Variants in UTP20 observed in about 807,000 individuals in gnomAD.
UTP20 encodes small subunit processome component 20 homolog.
In UTP20, 164 loss-of-function variants were observed where a neutral mutation model predicts 329.5. The ratio of observed to expected loss-of-function variants is 0.50; its 90% CI spans 0.44 to 0.57. UTP20 has a LOEUF of 0.57. Ranked by LOEUF, UTP20 falls within the 20% of genes least tolerant of loss-of-function variation. UTP20 has a pLI of 0.00. For synonymous variants in UTP20, 1,151 were observed against 1,159.3 expected (o/e 0.99, Z 0.14); for missense variants, 3,055 against 3,284.2 (o/e 0.93, Z 1.71).
rs778073471 is a variant in UTP20, at chr12:101,361,921, C to A, written c.5692-41C>A. On this transcript the variant is annotated intron_variant, in intron 43 of 61. Coordinates refer to ENST00000261637, the MANE Select transcript of UTP20 (RefSeq NM_014503.3). Reference sequence around the variant, plus strand: ...TAGATCTTATGTTTTCCTAGTGTGACATTGTTAATATTCATGTTGTTGCTG... The same window carrying A: ...TAGATCTTATGTTTTCCTAGTGTGAAATTGTTAATATTCATGTTGTTGCTG... 4.8e-6 allele frequency: 7 copies of A among 1,462,946 alleles called. No individual in the cohort carries two copies. In the South Asian group the frequency reaches 8.0e-5, roughly 17 times the overall value. The allele number at this position is 1,462,946 out of a possible 1,614,324, so 90.6% of individuals were successfully genotyped here. A position where few individuals can be genotyped will look rare whatever the true frequency, so the allele number is the denominator to read the frequency against.
At chr12:101,370,308 A>G in intron 49 of UTP20, 124 bp from the exon 50 acceptor site, 3 of 1,211,646 alleles carry the variant, frequency 2.5e-6, no homozygotes, top group Non-Finnish European at 3.4e-6. Flanking sequence ...GTAATTTGCC[A>G]AGGCTAGAGG....
chr12:101,367,492 A>G (rs1189177609), intron 47 of UTP20, among the ~76,000 whole-genome samples: 1 of 152,088 alleles, frequency 6.6e-6, no homozygotes, highest in East Asian at 1.9e-4. Context: ...AGATTCCCAC[A>G]GAACTCTCAA....
At position 101,385,181 on chromosome 12, in the gene UTP20, C is replaced by A. The variant is rs182155063; in HGVS notation, c.8057-402C>A. On this transcript the variant is annotated intron_variant, in intron 60 of 61. Transcript: ENST00000261637. ...ATTAGAGAGGGAATCTCTTACTTTT[C>A]CCCCCATCTGCAAGAGCTCAACAGG... Among the ~76,000 whole-genome samples, 675 of 151,660 alleles carry A rather than the reference C, an allele frequency of 4.5e-3. 3 individuals carry two copies. The highest frequency in any genetic ancestry group is 0.016 in the African/African-American group (649 of 41,336).
At chr12:101,344,773 C>T (rs1869264243) in intron 36 of UTP20, 23 bp downstream of exon 36, 1 of 1,607,174 alleles carries the variant, frequency 6.2e-7, no homozygotes, top group Non-Finnish European at 8.5e-7. Context: ...GTGTTTTAGG[C>T]ACTACTGTCT....
At chr12:101,289,685 A>T (rs2137232704) in intron 6 of UTP20, among the ~76,000 whole-genome samples, 1 of 152,300 alleles carries the variant, frequency 6.6e-6, no homozygotes, top group Admixed American at 6.5e-5. Context: ...GAACTGTGAC[A>T]TTAACAAGAA....
chr12:101,285,863 C>G lies in UTP20; in HGVS notation c.308C>G (p.Ala103Gly). The G allele has an allele frequency of 3.1e-6, 5 of 1,613,678 alleles. No individual in the cohort carries two copies. Among genetic ancestry groups the G allele is most frequent in the Non-Finnish European group, 4.2e-6 (5 of 1,179,800 alleles). The part of the protein sequence containing the change: ...KTHLQVKNSF[A>G]YQPLLDLVVQ... ...CACCTGCAAGTTAAGAACAGTTTTG[C>G]CTATCAACCCCTTTTGGAGTAAGTA... Residue 103 changes from alanine (A) to glycine (G), a missense_variant, in exon 4 of 62, where the codon GCC becomes GGC. Ala to Gly is a moderately conservative substitution (Grantham distance 60). Transcript: ENST00000261637.
rs1201737868 is a variant in UTP20, at chr12:101,290,855, G to A, written c.858G>A (p.Lys286=). The change falls in exon 8 of 62, where the codon AAG becomes AAA. Residue 286 remains lysine (K), a synonymous_variant. Transcript: ENST00000261637. Reference sequence around the variant, plus strand: ...AATCCACTGTATCCTACATCTCCAAGGAACATTTTGGTACATTTTTTGAAT... The same window carrying A: ...AATCCACTGTATCCTACATCTCCAAAGAACATTTTGGTACATTTTTTGAAT... ...MVKSTVSYIS[K]EHFGTFFECL... The A allele has an allele frequency of 1.9e-6, 3 of 1,612,710 alleles. No individual in the cohort carries two copies. Among genetic ancestry groups the A allele is most frequent in the East Asian group, 2.2e-5 (1 of 44,832 alleles).
At chr12:101,384,883 C>A (rs1870773092) in intron 60 of UTP20, among the ~76,000 whole-genome samples, 1 of 152,090 alleles carries the variant, frequency 6.6e-6, no homozygotes, top group Non-Finnish European at 1.5e-5. Context: ...TTGGTTCAAC[C>A]CAGTCAACAT....
chr12:101,309,329 C>T (rs780899833), intron 18 of UTP20, among the ~76,000 whole-genome samples: 7 of 152,118 alleles, frequency 4.6e-5, no homozygotes, highest in Non-Finnish European at 7.4e-5. Context: ...AAAAGGTGAC[C>T]GGGAAACTTT....
chr12:101,372,215 A>G (rs1870319158), intron 51 of UTP20, among the ~76,000 whole-genome samples: 1 of 152,180 alleles, frequency 6.6e-6, no homozygotes, highest in South Asian at 2.1e-4. Context: ...AACTTGAATG[A>G]TGTCGCCTAG....
At chr12:101,331,026 C>T (rs73159731) in intron 27 of UTP20, among the ~76,000 whole-genome samples, 32,387 of 152,048 alleles carry the variant, frequency 0.21, 3,737 homozygotes, top group East Asian at 0.37. Context: ...GGGCATTGAT[C>T]GGTATTGAAA....
At chr12:101,325,917 A>G (rs892573697) in intron 25 of UTP20, among the ~76,000 whole-genome samples, 4 of 152,224 alleles carry the variant, frequency 2.6e-5, no homozygotes, top group African/African-American at 9.6e-5. Context: ...GAGATGATTA[A>G]TGATATTAAC....
rs749624429 is a variant in UTP20, at chr12:101,344,655, C to T, written c.4510C>T (p.Leu1504=). The part of the protein sequence containing the change: ...SMCLMSIIKK[L]AALNVTEKDY... ...GTGCCTGATGAGTATCATCAAAAAG[C>T]TAGCTGCCTTGAATGTCACAGAGAA... The change falls in exon 36 of 62, where the codon CTA becomes TTA. Residue 1504 remains leucine, a synonymous_variant. Transcript: ENST00000261637. 6.6e-7 allele frequency: 1 copy of T among 1,524,848 alleles called. No homozygotes were observed. The highest frequency in any genetic ancestry group is 9.1e-7 in the Non-Finnish European group (1 of 1,098,746). 94.5% of individuals were successfully genotyped at this position (1,524,848 alleles called of 1,614,324 possible).
Position 101,342,524 on chromosome 12 carries a change from A to G in UTP20, c.4180A>G (p.Ile1394Val), listed in dbSNP as rs577001413. The change falls in exon 33 of 62, where the codon ATA (isoleucine) becomes GTA (valine). Residue 1394 changes from isoleucine (I) to valine (V), a missense_variant. Coordinates refer to ENST00000261637, the MANE Select transcript of UTP20 (RefSeq NM_014503.3). ...CVDPTSFLKP[I>V]AKLFSVIKNK... ...GGACCCTACAAGCTTCCTCAAGCCT[A>G]TAGCAAAACTTTTCTCAGTTATTAA... 1.1e-5 allele frequency: 17 copies of G among 1,613,856 alleles called. No homozygotes were observed. In the East Asian group the frequency reaches 3.3e-4, roughly 32 times the overall value.
At chr12:101,302,792 A>G (rs912436072) in intron 15 of UTP20, among the ~76,000 whole-genome samples, 3 of 152,060 alleles carry the variant, frequency 2.0e-5, no homozygotes, top group Non-Finnish European at 2.9e-5. Context: ...TTAATGTCGT[A>G]AAGTTTGAAG....
chr12:101,386,268 G>C lies in UTP20; in HGVS notation c.*145G>C. ...TCTGTCACCCAAGGTGGAGTGCAGT[G>C]ACGACATCACAGCTCACTGCAGCCT... On this transcript the variant is annotated 3_prime_UTR_variant, in exon 62 of 62. Coordinates refer to ENST00000261637, the MANE Select transcript of UTP20 (RefSeq NM_014503.3). The C allele has an allele frequency of 1.4e-6, 1 of 713,230 alleles. No homozygotes were observed. Among genetic ancestry groups the C allele is most frequent in the East Asian group, 2.9e-5 (1 of 34,386 alleles). The allele number at this position is 713,230 out of a possible 1,614,324, so 44.2% of individuals were successfully genotyped here.
At chr12:101,292,154 A>G in intron 10 of UTP20, 50 bp downstream of exon 10, 1 of 1,582,596 alleles carries the variant, frequency 6.3e-7, no homozygotes, top group South Asian at 1.2e-5. Flanking sequence ...TATGTTTAGC[A>G]TTGAGTAACC....
At chr12:101,292,200 T>A (rs991604706) in intron 10 of UTP20, 96 bp downstream of exon 10, 2 of 1,335,042 alleles carry the variant, frequency 1.5e-6, no homozygotes, top group Non-Finnish European at 2.0e-6. Flanking sequence ...ACAAAGGCTC[T>A]GCCCTCAAGG....
intron 23 of UTP20, 68 bp from the exon 24 acceptor site, chr12:101,320,784 C>A: frequency 1.5e-6 from 2 of 1,342,172 alleles, no homozygotes; most frequent in Non-Finnish European, 2.0e-6. Context: ...CAAATAACCA[C>A]AAGTAAATTG....
Sources: allele counts gnomAD v4.1 joint callset (sites outside exome capture counted in the v4.1 genomes callset), GRCh38; gene constraint gnomAD v4.1.1; transcripts MANE v1.5; gene names NCBI Gene and HGNC (gene_info 2026-07-23, HGNC 2026-07-21).